Variants in CRYBG1 observed in about 807,000 individuals in gnomAD.
The protein encoded by CRYBG1 is crystallin beta-gamma domain containing 1, also known as beta/gamma crystallin domain-containing protein 1.
A neutral mutation model predicts 189.2 loss-of-function variants in CRYBG1; 139 were observed. The ratio of observed to expected loss-of-function variants is 0.73; its 90% confidence interval spans 0.64 to 0.85. The LOEUF (loss-of-function observed/expected upper bound fraction) is 0.85, where lower values mean the gene tolerates loss of function less well. Among genes scored for constraint, CRYBG1 ranks in the 40% least tolerant of loss-of-function variants. The pLI is 0.00. For missense variants in CRYBG1, 2,611 were observed against 2,675.8 expected (o/e 0.98, Z 0.53); for synonymous variants, 1,023 against 1,017.1 (o/e 1.01, Z -0.11).
At chr6:106,367,584 T>TA (rs35734014) in intron 1 of CRYBG1, among the ~76,000 whole-genome samples, 32,754 of 103,362 alleles carry the variant, frequency 0.32, 5,847 homozygotes, top group African/African-American at 0.46. Context: ...AGACTCTGTC[T>TA]AAAAAAAAAA....
chr6:106,472,909 TAA>T (rs34714366), intron 2 of CRYBG1, among the ~76,000 whole-genome samples: 11 of 137,142 alleles, frequency 8.0e-5, no homozygotes, highest in Non-Finnish European at 9.4e-5. Context: ...GTCTCAAAAT[TAA>T]AAAAAAAAAA....
At chr6:106,412,905 C>T (rs1009276613) in intron 1 of CRYBG1, among the ~76,000 whole-genome samples, 3 of 148,704 alleles carry the variant, frequency 2.0e-5, no homozygotes, top group African/African-American at 7.5e-5. Context: ...CATGGTTACC[C>T]AGGCATCTGT....
rs368142385 is a variant in CRYBG1 at position 106,532,402 on chromosome 6, A to C, written c.4718+2087A>C. On this transcript the variant is annotated intron_variant, in intron 8 of 21. Transcript: ENST00000633556. ...GGTATCCTTTGACATACTTGATTTC[A>C]TTTCCTTTGGATATATACTCAGTAG... 1.5e-3 allele frequency among the ~76,000 whole-genome samples: 230 copies of C among 152,278 alleles called. 1 individual carries two copies. The highest frequency in any genetic ancestry group is 5.2e-3 in the African/African-American group (216 of 41,546).
intron 1 of CRYBG1, among the ~76,000 whole-genome samples, chr6:106,427,966 T>C (rs1411155195): frequency 6.6e-6 from 1 of 152,194 alleles, no homozygotes; most frequent in Non-Finnish European, 1.5e-5. Context: ...CCCAGATGTG[T>C]GCTTGGCTCA....
At chr6:106,498,782 G>A (rs1018897198) in intron 2 of CRYBG1, among the ~76,000 whole-genome samples, 2 of 152,100 alleles carry the variant, frequency 1.3e-5, no homozygotes, top group South Asian at 2.1e-4. Context: ...GCTGAGGCAG[G>A]AGGATTGCTT....
intron 2 of CRYBG1, among the ~76,000 whole-genome samples, chr6:106,502,571 C>A (rs757058711): frequency 1.3e-5 from 2 of 152,186 alleles, no homozygotes; most frequent in Non-Finnish European, 2.9e-5. Context: ...TAGGATAATA[C>A]ATCTCAACTG....
intron 1 of CRYBG1, among the ~76,000 whole-genome samples, chr6:106,385,760 G>T (rs1185487405): frequency 3.3e-5 from 5 of 152,156 alleles, no homozygotes; most frequent in Non-Finnish European, 7.3e-5. Context: ...TATGGTGCTA[G>T]CCCAAAGAGG....
At chr6:106,509,044 T>C (rs1019090106) in intron 2 of CRYBG1, among the ~76,000 whole-genome samples, 2 of 152,184 alleles carry the variant, frequency 1.3e-5, no homozygotes, top group African/African-American at 4.8e-5. Flanking sequence ...GTAATACATA[T>C]ACTTAGTTGG....
intron 9 of CRYBG1, among the ~76,000 whole-genome samples, chr6:106,540,772 A>G (rs977869590): frequency 4.6e-5 from 7 of 151,512 alleles, no homozygotes; most frequent in Admixed American, 1.3e-4. Context: ...GGTGCCTTTG[A>G]GCATCCTTGG....
chr6:106,512,446 G>T lies in CRYBG1; in HGVS notation c.1329G>T (p.Arg443Ser), dbSNP rs898182988. 2.5e-6 allele frequency: 4 copies of T among 1,610,440 alleles called. No homozygotes were observed. The highest frequency in any genetic ancestry group is 3.4e-6 in the Non-Finnish European group (4 of 1,178,968). ...ADAELPESAA[R>S]DDAVFDDEVA... ...CCGAGCTCCCTGAGAGCGCTGCCAG[G>T]GACGACGCGGTGTTCGACGACGAGG... The change falls in exon 3 of 22, where the codon AGG becomes AGT. Residue 443 changes from arginine (R) to serine (S), a missense_variant. Physicochemically the swap from Arg to Ser is moderately radical, Grantham distance 110 (BLOSUM62 -1). Around this residue, in one of 3 missense-constraint regions of CRYBG1, gnomAD observed 985 missense variants for 924.4 expected, o/e 1.07. Transcript: ENST00000633556.
intron 2 of CRYBG1, among the ~76,000 whole-genome samples, chr6:106,503,020 C>G (rs773669673): frequency 6.6e-6 from 1 of 152,232 alleles, no homozygotes; most frequent in Non-Finnish European, 1.5e-5. Context: ...TGGTGAGGTC[C>G]TTTCCCATCT....
Position 106,519,454 on chromosome 6 carries a change from T to C in CRYBG1, c.2246T>C (p.Ile749Thr), listed in dbSNP as rs374952890. The change falls in exon 4 of 22, where the codon ATA (isoleucine) becomes ACA (threonine). Residue 749 changes from isoleucine (I) to threonine (T), a missense_variant. Ile to Thr is a moderately conservative substitution (Grantham distance 89, BLOSUM62 -1). This residue lies in a region of CRYBG1 where 1,622 missense variants were observed against 1,735.0 expected (regional missense o/e 0.93). Transcript: ENST00000633556. ...QNGVLVKETA[I>T]ETKVTVSEEE... ...GGTGTGCTGGTTAAGGAAACTGCTATAGAAACCAAAGTTACCGTCTCGGAA... is the reference window on the plus strand; with the variant it reads ...GGTGTGCTGGTTAAGGAAACTGCTACAGAAACCAAAGTTACCGTCTCGGAA... The C allele has an allele frequency of 9.9e-6, 16 of 1,614,104 alleles. No individual in the cohort carries two copies. Among genetic ancestry groups the C allele is most frequent in the African/African-American group, 9.3e-5 (7 of 75,042 alleles).
At chr6:106,487,845 T>C (rs572329789) in intron 2 of CRYBG1, among the ~76,000 whole-genome samples, 2 of 152,272 alleles carry the variant, frequency 1.3e-5, no homozygotes, top group South Asian at 4.1e-4. Context: ...AGACTTATTG[T>C]GTTTTGGGGG....
In CRYBG1 at chr6:106,421,223, A is replaced by T. The variant is rs144306431; in HGVS notation, c.174-30471A>T. 4.2e-3 allele frequency among the ~76,000 whole-genome samples: 644 copies of T among 152,330 alleles called. 3 individuals carry two copies. Among genetic ancestry groups the T allele is most frequent in the African/African-American group, 0.015 (618 of 41,566 alleles). On this transcript the variant is annotated intron_variant, in intron 1 of 21. Transcript: ENST00000633556. ...TAAGATCCTGGATTTAAGAGGCAACAAAGGCAGTGGAAAGTAAGAGTCAGA... is the reference window on the plus strand; with the variant it reads ...TAAGATCCTGGATTTAAGAGGCAACTAAGGCAGTGGAAAGTAAGAGTCAGA...
At chr6:106,557,741 G>A (rs543286945) in intron 17 of CRYBG1, among the ~76,000 whole-genome samples, 2 of 152,146 alleles carry the variant, frequency 1.3e-5, no homozygotes, top group Non-Finnish European at 2.9e-5. Flanking sequence ...CCTCCCACAT[G>A]CTTTTTAATG....
chr6:106,375,184 A>T (rs2255914), intron 1 of CRYBG1, among the ~76,000 whole-genome samples: 1 of 151,784 alleles, frequency 6.6e-6, no homozygotes. Flanking sequence ...AAAATTTGAG[A>T]CCAGCCTGGA....
At chr6:106,521,711 CTTTTTTT>C (rs397976859) in intron 4 of CRYBG1, among the ~76,000 whole-genome samples, 2 of 72,170 alleles carry the variant, frequency 2.8e-5, no homozygotes, top group Admixed American at 4.4e-4. Flanking sequence ...GGCACATGAT[CTTTTTTT>C]TTTTTTTTTT....
Position 106,519,240 on chromosome 6 carries a change from G to A in CRYBG1, c.2032G>A (p.Ala678Thr), listed in dbSNP as rs1410465184. The A allele has an allele frequency of 6.2e-7, 1 of 1,613,926 alleles. No homozygotes were observed. Among genetic ancestry groups the A allele is most frequent in the Non-Finnish European group, 8.5e-7 (1 of 1,180,038 alleles). Residue 678 changes from alanine (A) to threonine (T), a missense_variant, in exon 4 of 22, where the codon GCC becomes ACC. Ala to Thr is a moderately conservative substitution (Grantham distance 58, BLOSUM62 0). Transcript: ENST00000633556. Reference protein sequence around the residue: ...FSQPVHKGNTATKISLFENKR... With the variant: ...FSQPVHKGNTTTKISLFENKR... ...CCAGCCAGTTCACAAAGGCAACACT[G>A]CCACCAAAATCTCCTTATTTGAAAA... is the stretch of plus-strand genomic sequence containing the variant.
chr6:106,376,819 T>A (rs899109329), intron 1 of CRYBG1, among the ~76,000 whole-genome samples: 1 of 152,202 alleles, frequency 6.6e-6, no homozygotes. Context: ...ATCCAAGTGG[T>A]ACGCTCTTTA....
Sources: gnomAD v4.1 joint callset for allele counts (sites outside exome capture counted in the v4.1 genomes callset) on GRCh38, gnomAD v4.1.1 for gene constraint, gnomAD v4.1.1 regional missense constraint, MANE v1.5 for transcripts, NCBI Gene and HGNC (gene_info 2026-07-23, HGNC 2026-07-21) for gene names.